TAF4: variants seen among roughly 807,000 people sequenced by gnomAD.
TAF4 encodes TATA-box binding protein associated factor 4.
A neutral mutation model predicts 90.3 loss-of-function variants in TAF4; 9 were observed. The observed-to-expected ratio is 0.10, with a 90% CI of 0.06 to 0.17. The LOEUF (loss-of-function observed/expected upper bound fraction) is 0.17. TAF4 is among the 10% of genes least tolerant of loss of function. The pLI is 1.00. For synonymous variants in TAF4, 818 were observed against 638.9 expected (o/e 1.28, Z -4.23); for missense variants, 1,351 against 1,370.7 (o/e 0.99, Z 0.23).
chr20:62,003,626 T>C, intron 8 of TAF4, 105 bp downstream of exon 8: 1 of 1,374,682 alleles, frequency 7.3e-7, no homozygotes, highest in Non-Finnish European at 9.6e-7. Context: ...AAATGGCCAA[T>C]TTTATGTAAA....
At chr20:61,976,397 C>G (rs1250417199) in intron 14 of TAF4, 62 bp from the exon 15 acceptor site, 2 of 1,583,086 alleles carry the variant, frequency 1.3e-6, no homozygotes, top group Non-Finnish European at 1.7e-6. Context: ...TTGCAATGAG[C>G]CTGTGTATCT....
At chr20:61,991,057 G>A (rs2055628502) in intron 14 of TAF4, among the ~76,000 whole-genome samples, 1 of 152,010 alleles carries the variant, frequency 6.6e-6, no homozygotes, top group Non-Finnish European at 1.5e-5. Context: ...AAAACAGCAG[G>A]TAAACAGCAA....
chr20:62,040,108 T>A (rs1371344780), intron 1 of TAF4, among the ~76,000 whole-genome samples: 1 of 152,198 alleles, frequency 6.6e-6, no homozygotes, highest in Non-Finnish European at 1.5e-5. Context: ...TATTCAGCAA[T>A]CCCACCCCTA....
At chr20:62,061,566 T>C (rs1470877297) in intron 1 of TAF4, among the ~76,000 whole-genome samples, 3 of 152,250 alleles carry the variant, frequency 2.0e-5, no homozygotes, top group Non-Finnish European at 4.4e-5. Flanking sequence ...TGAGCTTCTT[T>C]ACCTTACACC....
chr20:61,976,807 T>A (rs762980991), intron 14 of TAF4, among the ~76,000 whole-genome samples: 1 of 152,170 alleles, frequency 6.6e-6, no homozygotes, highest in African/African-American at 2.4e-5. Flanking sequence ...GCATGCTGGG[T>A]CAGCTGGGAA....
At chr20:62,046,846 C>T (rs1351835669) in intron 1 of TAF4, among the ~76,000 whole-genome samples, 1 of 152,200 alleles carries the variant, frequency 6.6e-6, no homozygotes, top group African/African-American at 2.4e-5. Context: ...TTTTCGTACA[C>T]CTGCTAGCCA....
In TAF4 at chr20:62,006,540, G is replaced by A. The variant is rs775182776; in HGVS notation, c.2193C>T (p.Gly731=). ...GTGTGGGTTGCCCCTGCTTGCCGACGCCGACCTGCGTGGGCTGCGTGAGGC... is the reference window on the plus strand; with the variant it reads ...GTGTGGGTTGCCCCTGCTTGCCGACACCGACCTGCGTGGGCTGCGTGAGGC... ...VLSLTQPTQV[G]VGKQGQPTPL... Residue 731 remains glycine (G), a synonymous_variant, in exon 7 of 15, where the codon GGC becomes GGT. Coordinates refer to ENST00000252996, the MANE Select transcript of TAF4 (RefSeq NM_003185.4). This position sits in a 1 kb window ranked among gnomAD's most constrained non-coding sequence, Gnocchi z 7.0. 8 of 1,555,804 alleles carry A rather than the reference G, an allele frequency of 5.1e-6. No individual in the cohort carries two copies. The East Asian group carries it at 9.6e-5, about 19-fold the overall frequency.
intron 14 of TAF4, among the ~76,000 whole-genome samples, chr20:61,994,838 C>T (rs1488685291): frequency 6.6e-6 from 1 of 152,150 alleles, no homozygotes; most frequent in African/African-American, 2.4e-5. Flanking sequence ...AGTCAGGGGT[C>T]GGGCAGAGTA....
At chr20:62,035,615 T>C (rs1160325592) in intron 1 of TAF4, among the ~76,000 whole-genome samples, 4 of 152,232 alleles carry the variant, frequency 2.6e-5, no homozygotes, top group East Asian at 3.9e-4. Context: ...TAGAAGAAAA[T>C]ACAGAAGACT....
Position 62,055,935 on chromosome 20 carries a change from C to T in TAF4, c.1360+8516G>A, listed in dbSNP as rs147398693. ...CCTTCCCCCGTGGCCCAGTACACAC[C>T]CTCGGAATGTGCTCATGCAGGCCAG... On this transcript the variant is annotated intron_variant, in intron 1 of 14. Coordinates refer to ENST00000252996, the MANE Select transcript of TAF4 (RefSeq NM_003185.4). Among the ~76,000 whole-genome samples the T allele has an allele frequency of 2.6e-3, 400 of 152,308 alleles. 2 individuals are homozygous for T. Among genetic ancestry groups the T allele is most frequent in the African/African-American group, 9.0e-3 (373 of 41,566 alleles).
At chr20:61,979,903 G>A (rs2055527679) in intron 14 of TAF4, among the ~76,000 whole-genome samples, 1 of 152,250 alleles carries the variant, frequency 6.6e-6, no homozygotes, top group Non-Finnish European at 1.5e-5. Context: ...CAGAGGGACT[G>A]CGGCATGTGC....
chr20:62,038,643 G>C (rs911256002), intron 1 of TAF4, among the ~76,000 whole-genome samples: 1 of 152,158 alleles, frequency 6.6e-6, no homozygotes, highest in Non-Finnish European at 1.5e-5. Context: ...GAAAAATCCT[G>C]AAAGGCCTAA....
At chr20:62,063,132 A>G (rs1238572556) in intron 1 of TAF4, among the ~76,000 whole-genome samples, 1 of 152,166 alleles carries the variant, frequency 6.6e-6, no homozygotes, top group African/African-American at 2.4e-5. Flanking sequence ...CCCGGGAAGT[A>G]GCTTCACAGC....
Position 62,065,796 on chromosome 20 carries a change from C to A in TAF4, c.15G>T (p.Ser5=). The A allele has an allele frequency of 7.6e-7, 1 of 1,307,404 alleles. No individual in the cohort carries two copies. Among genetic ancestry groups the A allele is most frequent in the Middle Eastern group, 2.0e-4 (1 of 4,900 alleles). 81.0% of individuals were successfully genotyped at this position (1,307,404 alleles called of 1,614,324 possible). A position where few individuals can be genotyped will look rare whatever the true frequency, so the allele number is the denominator to read the frequency against. The change falls in exon 1 of 15, where the codon TCG becomes TCT. Residue 5 remains serine, a synonymous_variant. Transcript: ENST00000252996. ...TGAAGAAGACCTCGTCCAGCAGATC[C>A]GAGCCCGCCGCCATCTTTTTTCCTC... MAAG[S]DLLDEVFFNS... is the part of the protein sequence containing the mutation.
At chr20:62,019,459 A>T (rs2055830278) in intron 1 of TAF4, among the ~76,000 whole-genome samples, 1 of 152,216 alleles carries the variant, frequency 6.6e-6, no homozygotes, top group Non-Finnish European at 1.5e-5. Flanking sequence ...GCTATTTTCT[A>T]TTTTTCATTA....
chr20:61,981,640 G>C (rs930098635), intron 14 of TAF4, among the ~76,000 whole-genome samples: 4 of 152,128 alleles, frequency 2.6e-5, no homozygotes, highest in Admixed American at 1.3e-4. Flanking sequence ...ACAGAAAGGA[G>C]GAAAAGGGTC....
At chr20:62,062,440 A>C (rs1360764717) in intron 1 of TAF4, among the ~76,000 whole-genome samples, 1 of 152,112 alleles carries the variant, frequency 6.6e-6, no homozygotes, top group Non-Finnish European at 1.5e-5. Context: ...AACAAATAAC[A>C]TAATCAAAAT....
intron 14 of TAF4, among the ~76,000 whole-genome samples, chr20:61,977,854 C>T (rs2055505852): frequency 6.6e-6 from 1 of 152,184 alleles, no homozygotes; most frequent in Non-Finnish European, 1.5e-5. Flanking sequence ...GGCTGTGTGA[C>T]CCAGTGACAC....
chr20:62,044,858 A>C (rs996211518), intron 1 of TAF4, among the ~76,000 whole-genome samples: 2 of 152,154 alleles, frequency 1.3e-5, no homozygotes, highest in African/African-American at 4.8e-5. Flanking sequence ...CTCCGGGAAG[A>C]GACAGGCCTG....
Sources: gnomAD v4.1 joint callset for allele counts (sites outside exome capture counted in the v4.1 genomes callset) on GRCh38, gnomAD v4.1.1 for gene constraint, Gnocchi (gnomAD v3.1) non-coding constraint, MANE v1.5 for transcripts, NCBI Gene and HGNC (gene_info 2026-07-23, HGNC 2026-07-21) for gene names.